RBFOX1: variants seen among roughly 807,000 people sequenced by gnomAD.
The protein encoded by RBFOX1 is RNA binding protein fox-1 homolog 1.
A neutral mutation model predicts 57.7 loss-of-function variants in RBFOX1; 8 were observed. The observed-to-expected ratio is 0.14, with a 90% CI of 0.08 to 0.25. The LOEUF (loss-of-function observed/expected upper bound fraction) is 0.25, where lower values mean the gene tolerates loss of function less well. RBFOX1 is among the 10% of genes least tolerant of loss of function. RBFOX1 has a pLI of 1.00. For synonymous variants in RBFOX1, 326 were observed against 222.4 expected, an observed-to-expected ratio of 1.47 and a Z score of -4.15; for missense variants, 611 against 548.5, an observed-to-expected ratio of 1.11 and a Z score of -1.14.
chr16:6,607,748 T>C (rs917560930), intron 2 of RBFOX1, among the ~76,000 whole-genome samples: 3 of 152,306 alleles, frequency 2.0e-5, no homozygotes, highest in Admixed American at 6.5e-5. Context: ...CCCCCTGCTG[T>C]ATATGGTTCC....
chr16:6,792,104 G>T (rs1002664321), intron 3 of RBFOX1, among the ~76,000 whole-genome samples: 3 of 151,966 alleles, frequency 2.0e-5, no homozygotes, highest in African/African-American at 4.8e-5. Context: ...TTTAATAGTG[G>T]TATTAATTAT....
intron 4 of RBFOX1, among the ~76,000 whole-genome samples, chr16:7,440,694 A>C (rs914539117): frequency 3.6e-4 from 55 of 152,260 alleles, no homozygotes; most frequent in African/African-American, 1.3e-3. Flanking sequence ...AGTACTGATA[A>C]AGTTGAGCTT....
intron 5 of RBFOX1, among the ~76,000 whole-genome samples, chr16:7,527,112 A>G (rs2078886521): frequency 1.3e-5 from 2 of 152,148 alleles, no homozygotes; most frequent in Admixed American, 6.5e-5. Context: ...GGTGGCTTCA[A>G]AATTGTCTTT....
chr16:7,349,631 G>C (rs901160361), intron 4 of RBFOX1, among the ~76,000 whole-genome samples: 7 of 151,984 alleles, frequency 4.6e-5, no homozygotes, highest in African/African-American at 1.7e-4. Context: ...TACCACATCC[G>C]CTTGAGAGGC....
intron 3 of RBFOX1, among the ~76,000 whole-genome samples, chr16:5,698,981 GGA>G (rs1251705102): frequency 2.5e-5 from 3 of 120,168 alleles, no homozygotes; most frequent in Admixed American, 1.2e-4. Context: ...GCACCTGGTT[GGA>G]TTTTTTTTTT....
At chr16:5,964,011 T>A (rs2059799670) in intron 4 of RBFOX1, among the ~76,000 whole-genome samples, 1 of 152,188 alleles carries the variant, frequency 6.6e-6, no homozygotes, top group African/African-American at 2.4e-5. Context: ...ATCTGATAAG[T>A]GATTAATATC....
chr16:7,069,876 T>C (rs2056963968), intron 4 of RBFOX1, among the ~76,000 whole-genome samples: 1 of 152,174 alleles, frequency 6.6e-6, no homozygotes, highest in Non-Finnish European at 1.5e-5. Context: ...AAATGTAGAA[T>C]TTGCGCTTGA....
intron 2 of RBFOX1, among the ~76,000 whole-genome samples, chr16:5,590,873 G>A (rs533065394): frequency 6.6e-6 from 1 of 152,232 alleles, no homozygotes; most frequent in African/African-American, 2.4e-5. Context: ...GGGTACTGGT[G>A]GCTTGCATGC....
chr16:5,562,424 AG>A (rs1374301112), intron 2 of RBFOX1, among the ~76,000 whole-genome samples: 4 of 152,068 alleles, frequency 2.6e-5, no homozygotes, highest in Admixed American at 2.0e-4. Context: ...CAGGGCTCTG[AG>A]GGCAGATGCT....
chr16:6,437,296 C>A (rs1480116226), intron 2 of RBFOX1, among the ~76,000 whole-genome samples: 1 of 152,178 alleles, frequency 6.6e-6, no homozygotes, highest in Non-Finnish European at 1.5e-5. Context: ...TTAATTTAAG[C>A]TAAATGAATT....
At chr16:5,433,005 C>T (rs2067801428) in intron 1 of RBFOX1, among the ~76,000 whole-genome samples, 1 of 152,134 alleles carries the variant, frequency 6.6e-6, no homozygotes, top group Admixed American at 6.6e-5. Context: ...AGGGTGGTCT[C>T]AAACTCCTGA....
At chr16:7,329,036 G>A (rs1435777444) in intron 4 of RBFOX1, among the ~76,000 whole-genome samples, 1 of 152,156 alleles carries the variant, frequency 6.6e-6, no homozygotes, top group Admixed American at 6.5e-5. Context: ...CAGTATTACA[G>A]GAACATGGCC....
chr16:5,524,751 G>A (rs1056615394), intron 2 of RBFOX1, among the ~76,000 whole-genome samples: 1 of 152,026 alleles, frequency 6.6e-6, no homozygotes, highest in African/African-American at 2.4e-5. Context: ...GTGTTGGCCA[G>A]GCTGGTCTTG....
chr16:5,333,253 C>G (rs536232725), intron 1 of RBFOX1, among the ~76,000 whole-genome samples: 289 of 152,312 alleles, frequency 1.9e-3, no homozygotes, highest in African/African-American at 6.8e-3. Context: ...CAGGGGCTGA[C>G]AAACCATGGT....
chr16:6,069,736 C>G (rs2095812537), intron 1 of RBFOX1, among the ~76,000 whole-genome samples: 1 of 152,052 alleles, frequency 6.6e-6, no homozygotes, highest in Non-Finnish European at 1.5e-5. Context: ...CCTGTAATCC[C>G]AACACTTTGG....
At chr16:7,254,084 G>C (rs753874320) in intron 4 of RBFOX1, among the ~76,000 whole-genome samples, 1 of 152,098 alleles carries the variant, frequency 6.6e-6, no homozygotes, top group Non-Finnish European at 1.5e-5. Flanking sequence ...GTTGTGCTAA[G>C]AATGCCCTTT....
chr16:6,553,135 T>C (rs2097023617), intron 2 of RBFOX1, among the ~76,000 whole-genome samples: 1 of 152,164 alleles, frequency 6.6e-6, no homozygotes, highest in African/African-American at 2.4e-5. Context: ...CCACTGGTCA[T>C]GGAAGTCAGT....
intron 1 of RBFOX1, among the ~76,000 whole-genome samples, chr16:6,219,426 C>T (rs1489192022): frequency 6.6e-6 from 1 of 152,108 alleles, no homozygotes; most frequent in East Asian, 1.9e-4. Context: ...CCAGCCTGGG[C>T]AGCATAACTG....
chr16:6,612,811 C>T (rs1163652221), intron 2 of RBFOX1, among the ~76,000 whole-genome samples: 1 of 148,614 alleles, frequency 6.7e-6, no homozygotes, highest in Non-Finnish European at 1.5e-5. Context: ...AAGATCATGC[C>T]ACTGCACTCC....
Sources: allele counts gnomAD v4.1 joint callset (sites outside exome capture counted in the v4.1 genomes callset), GRCh38; gene constraint gnomAD v4.1.1; transcripts MANE v1.5; gene names NCBI Gene and HGNC (gene_info 2026-07-23, HGNC 2026-07-21).